SH3PXD2B: variants seen among roughly 807,000 people sequenced by gnomAD.
The protein encoded by SH3PXD2B is SH3 and PX domains 2B, also known as SH3 and PX domain-containing protein 2B.
SH3PXD2B carries 37 observed loss-of-function variants against 73.1 expected under a neutral mutation model. That is an observed-to-expected ratio of 0.51 (90% CI 0.39 to 0.67). The LOEUF (loss-of-function observed/expected upper bound fraction) is 0.67, where lower values mean the gene tolerates loss of function less well. Ranked by LOEUF, SH3PXD2B falls within the 30% of genes least tolerant of loss-of-function variation. The pLI, the probability that SH3PXD2B is intolerant of heterozygous loss-of-function variation, is 0.00. For missense variants in SH3PXD2B, 1,053 were observed against 1,197.8 expected (o/e 0.88, Z 1.78); for synonymous variants, 457 against 480.5 (o/e 0.95, Z 0.64).
chr5:172,385,519 C>A (rs1448214720), intron 4 of SH3PXD2B, among the ~76,000 whole-genome samples: 1 of 152,222 alleles, frequency 6.6e-6, no homozygotes, highest in Non-Finnish European at 1.5e-5. Flanking sequence ...ACCTTCCCTA[C>A]GTGCCTAGAC....
intron 10 of SH3PXD2B, among the ~76,000 whole-genome samples, chr5:172,347,827 T>G (rs1378104276): frequency 6.6e-6 from 1 of 152,200 alleles, no homozygotes; most frequent in Admixed American, 6.5e-5. Flanking sequence ...GAATGTTATC[T>G]GCACCTGGTT....
At chr5:172,428,375 T>C (rs1352151512) in intron 1 of SH3PXD2B, among the ~76,000 whole-genome samples, 3 of 152,188 alleles carry the variant, frequency 2.0e-5, no homozygotes, top group Admixed American at 6.5e-5. Flanking sequence ...CAGGAGGAGA[T>C]GCCACTACCC....
chr5:172,396,583 TA>T (rs1758304259), intron 3 of SH3PXD2B, among the ~76,000 whole-genome samples: 3 of 150,500 alleles, frequency 2.0e-5, no homozygotes, highest in Admixed American at 2.0e-4. Flanking sequence ...GGAAACTAGG[TA>T]GACAAGGTAA....
rs530981921 is a variant in SH3PXD2B, at chr5:172,441,716, C to G, written c.75+12562G>C. On this transcript the variant is annotated intron_variant, in intron 1 of 12. Transcript: ENST00000311601. ...TTCTTGACAATGCCCCAACCGAATC[C>G]AGCCTCATCCTCCCTTCCCGCTGAG... Among the ~76,000 whole-genome samples, 3 of 152,210 alleles carry G rather than the reference C, an allele frequency of 2.0e-5. No individual in the cohort carries two copies. The South Asian group carries it at 6.2e-4, about 32-fold the overall frequency.
chr5:172,333,574 A>G lies in SH3PXD2B; in HGVS notation c.*4795T>C. 8.3e-7 allele frequency: 1 copy of G among 1,202,726 alleles called. No homozygotes were observed. Among genetic ancestry groups the G allele is most frequent in the South Asian group, 1.5e-5 (1 of 68,378 alleles). The allele number at this position is 1,202,726 out of a possible 1,614,324, so 74.5% of individuals were successfully genotyped here. A position where few individuals can be genotyped will look rare whatever the true frequency, so the allele number is the denominator to read the frequency against. ...AAAAAGGAAAGAAGTCAAATGGTAA[A>G]GTATATAGCCTACACATGCTACAGC... On this transcript the variant is annotated 3_prime_UTR_variant, in exon 13 of 13. Coordinates refer to ENST00000311601, the MANE Select transcript of SH3PXD2B (RefSeq NM_001017995.3).
intron 12 of SH3PXD2B, chr5:172,325,417 A>G (rs1362533804): frequency 1.1e-5 from 16 of 1,443,276 alleles, no homozygotes; most frequent in Non-Finnish European, 1.5e-5. Flanking sequence ...GCAAATCTTC[A>G]GTCCTTTCCA....
downstream of SH3PXD2B, among the ~76,000 whole-genome samples, chr5:172,328,626 G>A (rs1257835542): frequency 2.6e-5 from 4 of 152,172 alleles, no homozygotes; most frequent in African/African-American, 7.2e-5. Flanking sequence ...TGAGAGGGCC[G>A]TGGGAGAATC....
chr5:172,339,451 G>A lies in SH3PXD2B; in HGVS notation c.1654C>T (p.Pro552Ser). Residue 552 changes from proline to serine, a missense_variant, in exon 13 of 13, where the codon CCC becomes TCC. By Grantham distance (74) the Pro-to-Ser change is moderately conservative. This residue lies in a region of SH3PXD2B where 587 missense variants were observed against 590.7 expected (regional missense o/e 0.99). Coordinates refer to ENST00000311601, the MANE Select transcript of SH3PXD2B (RefSeq NM_001017995.3). The surrounding 1 kb of genome is among the most constrained non-coding windows in gnomAD (Gnocchi z 6.1). ...ERQRTEQLRG[P>S]TPKPPGVILP... ...ATCACGCCCGGAGGCTTGGGAGTGG[G>A]GCCCCGGAGCTGCTCCGTCCTCTGC... The A allele has an allele frequency of 6.2e-7, 1 of 1,614,018 alleles. No homozygotes were observed. The highest frequency in any genetic ancestry group is 8.5e-7 in the Non-Finnish European group (1 of 1,179,968).
Position 172,358,756 on chromosome 5 carries a change from C to A in SH3PXD2B, c.667+17G>T. ...ACAGGTCCTCCCCAGTGAGCAGAGG[C>A]TCGAGCTCCTCCCTACCTTCTTCAG... On this transcript the variant is annotated intron_variant, in intron 8 of 12. Coordinates refer to ENST00000311601, the MANE Select transcript of SH3PXD2B (RefSeq NM_001017995.3). The A allele has an allele frequency of 6.2e-7, 1 of 1,603,708 alleles. No individual in the cohort carries two copies. The highest frequency in any genetic ancestry group is 8.5e-7 in the Non-Finnish European group (1 of 1,175,090).
rs1391100860 is a variant in SH3PXD2B at position 172,445,163 on chromosome 5, GC to G, written c.75+9114del. Among the ~76,000 whole-genome samples, 1 of 152,194 alleles carries G rather than the reference GC, an allele frequency of 6.6e-6. No homozygotes were observed. The highest frequency in any genetic ancestry group is 1.5e-5 in the Non-Finnish European group (1 of 68,032). ...TTCCCCAGGACCAGGTCCCCCAGAA[GC>G]CCAGGGCACCTGTCTGCCTGTCAGG... On this transcript the variant is annotated intron_variant, in intron 1 of 12. Transcript: ENST00000311601. The surrounding 1 kb of genome is among the most constrained non-coding windows in gnomAD (Gnocchi z 5.2).
At chr5:172,437,131 G>A (rs1330947833) in intron 1 of SH3PXD2B, among the ~76,000 whole-genome samples, 3 of 152,152 alleles carry the variant, frequency 2.0e-5, no homozygotes, top group Admixed American at 6.5e-5. Context: ...TATGGTCCTC[G>A]TGGGTGCTGG....
chr5:172,444,262 G>A (rs762996249), intron 1 of SH3PXD2B, among the ~76,000 whole-genome samples: 2 of 152,192 alleles, frequency 1.3e-5, no homozygotes, highest in Non-Finnish European at 2.9e-5. Context: ...GCCTGGTGAT[G>A]TCCTAATACC....
chr5:172,346,391 A>G, intron 11 of SH3PXD2B, 130 bp from the exon 12 acceptor site: 1 of 1,409,648 alleles, frequency 7.1e-7, no homozygotes, highest in Non-Finnish European at 9.9e-7. Context: ...TTGGATTCTA[A>G]GGGACAACAC....
At chr5:172,417,686 G>A (rs1294946771) in intron 2 of SH3PXD2B, among the ~76,000 whole-genome samples, 5 of 152,080 alleles carry the variant, frequency 3.3e-5, no homozygotes, top group African/African-American at 1.2e-4. Context: ...TAATCTTTAC[G>A]CCAATTCCTA....
intron 1 of SH3PXD2B, among the ~76,000 whole-genome samples, chr5:172,424,950 A>G (rs549329050): frequency 3.4e-4 from 52 of 152,196 alleles, no homozygotes; most frequent in Admixed American, 1.3e-3. Context: ...CTCCTTTGAC[A>G]CCAAGGATTT....
At position 172,353,547 on chromosome 5, in the gene SH3PXD2B, C is replaced by T. The variant is rs969121036; in HGVS notation, c.785+341G>A. ...GCACCATCTTGTTCTCAGAATGGGG[C>T]GGGAGGGGGCTGTCACTCACATGGG... On this transcript the variant is annotated intron_variant, in intron 9 of 12. Transcript: ENST00000311601. This position sits in a 1 kb window ranked among gnomAD's most constrained non-coding sequence, Gnocchi z 4.3. Among the ~76,000 whole-genome samples, 7 of 152,082 alleles carry T rather than the reference C, an allele frequency of 4.6e-5. No individual in the cohort carries two copies. Among genetic ancestry groups the T allele is most frequent in the Non-Finnish European group, 1.0e-4 (7 of 68,014 alleles).
chr5:172,427,261 T>C (rs1432130561), intron 1 of SH3PXD2B, among the ~76,000 whole-genome samples: 1 of 152,204 alleles, frequency 6.6e-6, no homozygotes, highest in Non-Finnish European at 1.5e-5. Context: ...AAATACTGTA[T>C]GATTACAGGA....
chr5:172,353,137 T>C lies in SH3PXD2B; in HGVS notation c.785+751A>G, dbSNP rs1218452169. On this transcript the variant is annotated intron_variant, in intron 9 of 12. Transcript: ENST00000311601. This position sits in a 1 kb window ranked among gnomAD's most constrained non-coding sequence, Gnocchi z 4.3. ...AGAACAGGGCTGGGCCCAACAGAGA[T>C]TCTTGGTGTGCGTTTGTTGAATGAA... Among the ~76,000 whole-genome samples, 1 of 152,174 alleles carries C rather than the reference T, an allele frequency of 6.6e-6. No homozygotes were observed. Among genetic ancestry groups the C allele is most frequent in the Non-Finnish European group, 1.5e-5 (1 of 68,028 alleles).
chr5:172,396,554 G>C (rs1168157022), intron 3 of SH3PXD2B, among the ~76,000 whole-genome samples: 1 of 151,700 alleles, frequency 6.6e-6, no homozygotes, highest in Non-Finnish European at 1.5e-5. Flanking sequence ...ACTTGCTCTG[G>C]TGCAAAAGGA....
Sources: gnomAD v4.1 joint callset for allele counts (sites outside exome capture counted in the v4.1 genomes callset) on GRCh38, gnomAD v4.1.1 for gene constraint, gnomAD v4.1.1 regional missense constraint, Gnocchi (gnomAD v3.1) non-coding constraint, MANE v1.5 for transcripts, NCBI Gene and HGNC (gene_info 2026-07-23, HGNC 2026-07-21) for gene names.